The following GRM3 variants were observed in gnomAD, a reference collection of about 807,000 sequenced individuals.
The protein encoded by GRM3 is metabotropic glutamate receptor 3.
A neutral mutation model predicts 70.5 loss-of-function variants in GRM3; 26 were observed. That is an observed-to-expected ratio of 0.37 (90% CI 0.27 to 0.51). The LOEUF (loss-of-function observed/expected upper bound fraction) is 0.51. Ranked by LOEUF, GRM3 falls within the 20% of genes least tolerant of loss-of-function variation. GRM3 has a pLI of 0.93. For missense variants in GRM3, 859 were observed against 1,123.8 expected, an observed-to-expected ratio of 0.76 and a Z score of 3.37; for synonymous variants, 443 against 434.9, an observed-to-expected ratio of 1.02 and a Z score of -0.23.
intron 2 of GRM3, among the ~76,000 whole-genome samples, chr7:86,781,273 A>C (rs1797051927): frequency 6.6e-6 from 1 of 152,154 alleles, no homozygotes; most frequent in South Asian, 2.1e-4. Flanking sequence ...GTAGTCTGAA[A>C]ACAGTAACTT....
At chr7:86,748,335 C>T (rs1026733718) in intron 1 of GRM3, among the ~76,000 whole-genome samples, 1 of 151,930 alleles carries the variant, frequency 6.6e-6, no homozygotes, top group Non-Finnish European at 1.5e-5. Flanking sequence ...GAAAGGAAAA[C>T]GGCTGCAGGA....
At chr7:86,780,665 A>T (rs1424691585) in intron 2 of GRM3, among the ~76,000 whole-genome samples, 1 of 152,194 alleles carries the variant, frequency 6.6e-6, no homozygotes, top group Non-Finnish European at 1.5e-5. Context: ...TCTCACATAA[A>T]TCAGAAAGCC....
intron 1 of GRM3, among the ~76,000 whole-genome samples, chr7:86,664,230 G>A (rs1457192874): frequency 6.6e-6 from 1 of 151,970 alleles, no homozygotes; most frequent in Non-Finnish European, 1.5e-5. Context: ...ACCAGTTATG[G>A]GATTTTTTTT....
chr7:86,653,245 A>T (rs2115787647), intron 1 of GRM3, among the ~76,000 whole-genome samples: 1 of 152,302 alleles, frequency 6.6e-6, no homozygotes, highest in African/African-American at 2.4e-5. Context: ...GGCCTTTTGT[A>T]AACCTGATCA....
intron 5 of GRM3, among the ~76,000 whole-genome samples, chr7:86,853,995 C>A (rs573602830): frequency 2.0e-5 from 3 of 152,184 alleles, no homozygotes; most frequent in Non-Finnish European, 4.4e-5. Context: ...GAAGTAGAAA[C>A]TGGCTTGGCC....
chr7:86,656,861 T>C (rs2115813422), intron 1 of GRM3, among the ~76,000 whole-genome samples: 1 of 152,254 alleles, frequency 6.6e-6, no homozygotes, highest in South Asian at 2.1e-4. Flanking sequence ...TAATATAAGA[T>C]GTGGCTAAAA....
chr7:86,654,305 A>C (rs1302938913), intron 1 of GRM3, among the ~76,000 whole-genome samples: 1 of 152,196 alleles, frequency 6.6e-6, no homozygotes, highest in Admixed American at 6.5e-5. Context: ...AAGCAATAAA[A>C]AACAGAGCAC....
At chr7:86,711,857 T>C in intron 1 of GRM3, among the ~76,000 whole-genome samples, 1 of 152,080 alleles carries the variant, frequency 6.6e-6, no homozygotes, top group Non-Finnish European at 1.5e-5. Context: ...TTAGGGAACC[T>C]AGATCCATCT....
intron 3 of GRM3, among the ~76,000 whole-genome samples, chr7:86,813,445 A>G (rs1252926519): frequency 6.6e-6 from 1 of 151,820 alleles, no homozygotes; most frequent in Non-Finnish European, 1.5e-5. Context: ...TATTCTCATC[A>G]CTTAAGCAGT....
At chr7:86,794,072 AT>A (rs929891242) in intron 3 of GRM3, among the ~76,000 whole-genome samples, 20 of 151,326 alleles carry the variant, frequency 1.3e-4, no homozygotes, top group Middle Eastern at 6.8e-3. Context: ...TATTCTAAGT[AT>A]TTTTTTTTAA....
intron 1 of GRM3, among the ~76,000 whole-genome samples, chr7:86,653,371 A>G (rs988740324): frequency 3.3e-5 from 5 of 152,238 alleles, no homozygotes. Context: ...AATGATGGTC[A>G]TACACAGAAT....
chr7:86,764,003 A>G (rs1224515642), intron 1 of GRM3, among the ~76,000 whole-genome samples: 1 of 152,008 alleles, frequency 6.6e-6, no homozygotes, highest in Non-Finnish European at 1.5e-5. Flanking sequence ...CATAGTGGCT[A>G]ATTGAAAGAT....
intron 1 of GRM3, among the ~76,000 whole-genome samples, chr7:86,715,050 A>G (rs1253158670): frequency 6.6e-6 from 1 of 151,956 alleles, no homozygotes; most frequent in Non-Finnish European, 1.5e-5. Flanking sequence ...TCCCTCTGTC[A>G]GGACCGTTAT....
At chr7:86,728,118 C>A (rs1297874920) in intron 1 of GRM3, among the ~76,000 whole-genome samples, 1 of 152,114 alleles carries the variant, frequency 6.6e-6, no homozygotes, top group African/African-American at 2.4e-5. Context: ...GTACTCTCTA[C>A]TTTTTATTAT....
At chr7:86,837,322 T>C (rs187520260) in intron 3 of GRM3, among the ~76,000 whole-genome samples, 1 of 152,254 alleles carries the variant, frequency 6.6e-6, no homozygotes, top group East Asian at 1.9e-4. Flanking sequence ...TGGATCCAGT[T>C]TTCCCTAAAC....
At chr7:86,811,949 A>G (rs894507163) in intron 3 of GRM3, among the ~76,000 whole-genome samples, 1 of 151,416 alleles carries the variant, frequency 6.6e-6, no homozygotes, top group Non-Finnish European at 1.5e-5. Flanking sequence ...ATCTGTTGAT[A>G]TATAGCTTAT....
At position 86,786,199 on chromosome 7, in the gene GRM3, T is replaced by C; in HGVS notation, c.469-62T>C. 7.0e-7 allele frequency: 1 copy of C among 1,430,472 alleles called. No homozygotes were observed. Among genetic ancestry groups the C allele is most frequent in the African/African-American group, 1.4e-5 (1 of 70,538 alleles). 88.6% of individuals were successfully genotyped at this position (1,430,472 alleles called of 1,614,324 possible). A position where few individuals can be genotyped will look rare whatever the true frequency, so the allele number is the denominator to read the frequency against. On this transcript the variant is annotated intron_variant, in intron 2 of 5. Coordinates refer to ENST00000361669, the MANE Select transcript of GRM3 (RefSeq NM_000840.3). The surrounding 1 kb of genome is among the most constrained non-coding windows in gnomAD (Gnocchi z 6.0). Reference sequence around the variant, plus strand: ...TAAAAGGTGTGGATGCTATTATTCATTTTCATGTCCAGTCATCTACCTCGG... The same window carrying C: ...TAAAAGGTGTGGATGCTATTATTCACTTTCATGTCCAGTCATCTACCTCGG...
At chr7:86,781,512 T>C (rs1302506318) in intron 2 of GRM3, among the ~76,000 whole-genome samples, 1 of 152,178 alleles carries the variant, frequency 6.6e-6, no homozygotes, top group African/African-American at 2.4e-5. Context: ...GGAATTTACA[T>C]CTCTTCCTAT....
At chr7:86,687,597 A>G (rs1283904321) in intron 1 of GRM3, among the ~76,000 whole-genome samples, 1 of 151,962 alleles carries the variant, frequency 6.6e-6, no homozygotes, top group Non-Finnish European at 1.5e-5. Flanking sequence ...TTCTGGGCAG[A>G]CCTACACTAC....
Sources: gnomAD v4.1 joint callset for allele counts (sites outside exome capture counted in the v4.1 genomes callset) on GRCh38, gnomAD v4.1.1 for gene constraint, Gnocchi (gnomAD v3.1) non-coding constraint, MANE v1.5 for transcripts, NCBI Gene and HGNC (gene_info 2026-07-23, HGNC 2026-07-21) for gene names.